The following DCLRE1C variants were observed in gnomAD, a reference collection of about 807,000 sequenced individuals.
DCLRE1C encodes the protein DNA cross-link repair 1C.
A neutral mutation model predicts 61.4 loss-of-function variants in DCLRE1C; 47 were observed. That is an observed-to-expected ratio of 0.77 (90% CI 0.61 to 0.98). The LOEUF (loss-of-function observed/expected upper bound fraction) is 0.98, where lower values mean the gene tolerates loss of function less well. Among genes scored for constraint, DCLRE1C ranks in the 50% least tolerant of loss-of-function variants. The pLI, the probability that DCLRE1C is intolerant of heterozygous loss-of-function variation, is 0.00. For synonymous variants in DCLRE1C, 337 were observed against 287.6 expected (o/e 1.17, Z -1.74); for missense variants, 858 against 816.0 (o/e 1.05, Z -0.63).
At chr10:14,901,104 C>T (rs371256048), downstream of DCLRE1C, 3 of 1,611,540 alleles carry the variant, frequency 1.9e-6, no homozygotes, top group African/African-American at 2.7e-5. Flanking sequence ...ACCGTTTGTA[C>T]TTAAATGGGT....
At chr10:14,926,936 AG>A (rs1239193923) in intron 10 of DCLRE1C, 39 bp from the exon 11 acceptor site, 1 of 1,572,772 alleles carries the variant, frequency 6.4e-7, no homozygotes, top group Non-Finnish European at 8.7e-7. Context: ...AAGATCACTG[AG>A]CAAAACTAAA....
intron 13 of DCLRE1C, among the ~76,000 whole-genome samples, chr10:14,909,769 G>C (rs1834939966): frequency 6.6e-6 from 1 of 151,068 alleles, no homozygotes; most frequent in African/African-American, 2.5e-5. Flanking sequence ...CAGTGGGTTG[G>C]CTGACTTAGG....
chr10:14,909,426 T>TTAA, intron 13 of DCLRE1C, 96 bp from the exon 14 acceptor site: 1 of 1,079,258 alleles, frequency 9.3e-7, no homozygotes, highest in Non-Finnish European at 1.3e-6. Context: ...TTGCAAAGAA[T>TTAA]AGGGAGGCCA....
At chr10:14,920,849 G>T (rs1281509854) in intron 12 of DCLRE1C, among the ~76,000 whole-genome samples, 1 of 151,976 alleles carries the variant, frequency 6.6e-6, no homozygotes, top group African/African-American at 2.4e-5. Flanking sequence ...AGGTGTGGTG[G>T]TGGGCGCCTG....
chr10:14,941,616 T>A (rs1840876063), intron 3 of DCLRE1C, among the ~76,000 whole-genome samples: 1 of 152,228 alleles, frequency 6.6e-6, no homozygotes, highest in South Asian at 2.1e-4. Context: ...TATGTTTTCT[T>A]TATCGTACAA....
At chr10:14,925,968 G>A (rs1837903425) in intron 11 of DCLRE1C, among the ~76,000 whole-genome samples, 1 of 152,148 alleles carries the variant, frequency 6.6e-6, no homozygotes. Context: ...CAGTTCTCAC[G>A]AGATCTGATG....
rs61508062 is a variant in DCLRE1C, at chr10:14,907,180, A to C, written c.*1228T>G. Among the ~76,000 whole-genome samples, 416 of 151,812 alleles carry C rather than the reference A, an allele frequency of 2.7e-3. 3 individuals carry two copies. Among genetic ancestry groups the C allele is most frequent in the African/African-American group, 9.3e-3 (386 of 41,352 alleles). Reference sequence around the variant, plus strand: ...TTAATTCTTGAGCATTTTCTTTTATATTCTAATTGTCCGCTTCTAATTTGG... The same window carrying C: ...TTAATTCTTGAGCATTTTCTTTTATCTTCTAATTGTCCGCTTCTAATTTGG... On this transcript the variant is annotated 3_prime_UTR_variant, in exon 14 of 14. Transcript: ENST00000378278.
chr10:14,913,342 C>A (rs946327031), intron 13 of DCLRE1C, among the ~76,000 whole-genome samples: 1 of 152,180 alleles, frequency 6.6e-6, no homozygotes, highest in Non-Finnish European at 1.5e-5. Context: ...TTCTGTTATA[C>A]TAACAGTCGT....
In DCLRE1C at chr10:14,908,152, C is replaced by G. The variant is rs1363283623; in HGVS notation, c.*256G>C. ...CCTCAAGGGCCTCCAGAGTAGCCCA[C>G]CACCATGCCTGGCTTTTTTTTTTTT... On this transcript the variant is annotated 3_prime_UTR_variant, in exon 14 of 14. Coordinates refer to ENST00000378278, the MANE Select transcript of DCLRE1C (RefSeq NM_001033855.3). 2.4e-6 allele frequency: 1 copy of G among 411,336 alleles called. No homozygotes were observed. Among genetic ancestry groups the G allele is most frequent in the Non-Finnish European group, 4.2e-6 (1 of 235,320 alleles). The allele number at this position is 411,336 out of a possible 1,614,324, so 25.5% of individuals were successfully genotyped here. A position where few individuals can be genotyped will look rare whatever the true frequency, so the allele number is the denominator to read the frequency against.
Position 14,905,217 on chromosome 10 carries a change from T to TGG in DCLRE1C, c.*3190_*3191insCC, listed in dbSNP as rs1305520281. On this transcript the variant is annotated 3_prime_UTR_variant, in exon 14 of 14. Transcript: ENST00000378278. ...TAGCTTTCATGGTTCATGCATTTGA[T>TGG]ACTACACTTGATCTTGGCCAAAAGG... Among the ~76,000 whole-genome samples, 2 of 152,284 alleles carry TGG rather than the reference T, an allele frequency of 1.3e-5. No homozygotes were observed. The highest frequency in any genetic ancestry group is 4.8e-5 in the African/African-American group (2 of 41,476).
chr10:14,910,858 A>G (rs996114540), intron 13 of DCLRE1C, among the ~76,000 whole-genome samples: 1 of 152,242 alleles, frequency 6.6e-6, no homozygotes, highest in South Asian at 2.1e-4. Context: ...CGAGCAATTA[A>G]GGACAATGAC....
chr10:14,916,433 C>A (rs1338420282), intron 13 of DCLRE1C, among the ~76,000 whole-genome samples: 3 of 152,146 alleles, frequency 2.0e-5, no homozygotes, highest in Non-Finnish European at 4.4e-5. Context: ...CATTGCATAT[C>A]CCTAATCCAA....
chr10:14,897,412 A>T (rs1391821683), exon 14 of DCLRE1C: 1 of 1,613,538 alleles, frequency 6.2e-7, no homozygotes, highest in African/African-American at 1.3e-5. Context: ...AAAAAGGCAC[A>T]CAGTATTCGC....
At chr10:14,945,221 C>CTACCTCTGG in intron 2 of DCLRE1C, 32 bp from the exon 3 acceptor site, 1 of 1,589,698 alleles carries the variant, frequency 6.3e-7, no homozygotes, top group Non-Finnish European at 8.6e-7. Flanking sequence ...ACTTTCAGTA[C>CTACCTCTGG]AATCCAAAAT....
intron 3 of DCLRE1C, among the ~76,000 whole-genome samples, chr10:14,943,339 C>T (rs1161282572): frequency 1.3e-5 from 2 of 152,232 alleles, no homozygotes; most frequent in African/African-American, 4.8e-5. Context: ...CCATATGACC[C>T]ATGGCTCCTT....
chr10:14,944,974 C>A, intron 3 of DCLRE1C, 131 bp downstream of exon 3: 1 of 676,458 alleles, frequency 1.5e-6, no homozygotes. Context: ...CATGTCCGGC[C>A]AGAGACTCAA....
chr10:14,923,864 G>T (rs1001170970), intron 11 of DCLRE1C, among the ~76,000 whole-genome samples: 1 of 152,184 alleles, frequency 6.6e-6, no homozygotes, highest in Non-Finnish European at 1.5e-5. Context: ...GCACTGGAGG[G>T]AGCAATGCTT....
In DCLRE1C at chr10:14,919,608, T is replaced by C. The variant is rs1474909797; in HGVS notation, c.1156+130A>G. ...GAAGGCAAAGTACTTCCTGAGACCA[T>C]GTGTCAAGTCTGACCTGTGGTGGGT... On this transcript the variant is annotated intron_variant, in intron 13 of 13. Coordinates refer to ENST00000378278, the MANE Select transcript of DCLRE1C (RefSeq NM_001033855.3). 4 of 753,446 alleles carry C rather than the reference T, an allele frequency of 5.3e-6. No homozygotes were observed. In the East Asian group the frequency reaches 7.5e-5, roughly 14 times the overall value. 46.7% of individuals were successfully genotyped at this position (753,446 alleles called of 1,614,324 possible). A position where few individuals can be genotyped will look rare whatever the true frequency, so the allele number is the denominator to read the frequency against.
intron 9 of DCLRE1C, 103 bp downstream of exon 9, chr10:14,932,751 G>T: frequency 7.3e-7 from 1 of 1,376,238 alleles, no homozygotes; most frequent in Non-Finnish European, 1.0e-6. Context: ...GCAGCCTCAG[G>T]TTTTACATTT....
Sources: allele counts gnomAD v4.1 joint callset (sites outside exome capture counted in the v4.1 genomes callset), GRCh38; gene constraint gnomAD v4.1.1; transcripts MANE v1.5; gene names NCBI Gene and HGNC (gene_info 2026-07-23, HGNC 2026-07-21).